The following EYS variants were observed in gnomAD, a reference collection of about 807,000 sequenced individuals.
EYS encodes the protein EGF-like photoreceptor maintenance factor, also known as protein eyes shut homolog.
EYS carries 250 observed loss-of-function variants against 282.1 expected under a neutral mutation model. The ratio of observed to expected loss-of-function variants is 0.89; its 90% CI spans 0.80 to 0.98. The LOEUF is 0.98. EYS is among the 50% of genes least tolerant of loss of function. The pLI, the probability that EYS is intolerant of heterozygous loss-of-function variation, is 0.00. For synonymous variants in EYS, 1,355 were observed against 1,282.9 expected, an observed-to-expected ratio of 1.06 and a Z score of -1.20; for missense variants, 4,016 against 3,709.0, an observed-to-expected ratio of 1.08 and a Z score of -2.15.
At chr6:65,055,673 TA>T (rs1561943070) in intron 13 of EYS, among the ~76,000 whole-genome samples, 1 of 152,110 alleles carries the variant, frequency 6.6e-6, no homozygotes, top group East Asian at 1.9e-4. Flanking sequence ...TGAGAAATTC[TA>T]GTCAAGTATT....
chr6:64,355,079 G>T (rs1457432856), intron 29 of EYS, among the ~76,000 whole-genome samples: 8 of 151,452 alleles, frequency 5.3e-5, no homozygotes, highest in Non-Finnish European at 1.0e-4. Context: ...CTTTCACTAA[G>T]TAAAAATACT....
chr6:65,017,770 T>C (rs1396633459), intron 13 of EYS, among the ~76,000 whole-genome samples: 1 of 152,218 alleles, frequency 6.6e-6, no homozygotes, highest in Non-Finnish European at 1.5e-5. Flanking sequence ...TCCTATCTCT[T>C]CTATAGTTCT....
At chr6:63,833,280 C>T (rs868310729) in intron 36 of EYS, among the ~76,000 whole-genome samples, 28 of 152,106 alleles carry the variant, frequency 1.8e-4, no homozygotes, top group African/African-American at 6.5e-4. Flanking sequence ...TAAAATTGTG[C>T]CTGTTTGCAG....
intron 33 of EYS, among the ~76,000 whole-genome samples, chr6:64,021,035 A>G (rs1339155251): frequency 6.6e-6 from 1 of 152,116 alleles, no homozygotes; most frequent in Non-Finnish European, 1.5e-5. Context: ...CCTTATCATT[A>G]TTACTATAGT....
chr6:64,756,159 T>C lies in EYS; in HGVS notation c.3443+57219A>G, dbSNP rs116150793. Among the ~76,000 whole-genome samples, 928 of 152,308 alleles carry C rather than the reference T, an allele frequency of 6.1e-3. 11 individuals are homozygous for C. Among genetic ancestry groups the C allele is most frequent in the Non-Finnish European group, 6.1e-3 (415 of 68,016 alleles). ...TTAGGTATTCAACATTCCATATTTG[T>C]TATTTTATATGAAAATTTTGTTTCA... On this transcript the variant is annotated intron_variant, in intron 22 of 42. Coordinates refer to ENST00000503581, the MANE Select transcript of EYS (RefSeq NM_001142800.2).
chr6:65,654,136 C>T lies in EYS; in HGVS notation c.-447-14244G>A, dbSNP rs185950174. 3.2e-3 allele frequency among the ~76,000 whole-genome samples: 490 copies of T among 151,998 alleles called. 3 individuals carry two copies. The highest frequency in any genetic ancestry group is 0.011 in the African/African-American group (476 of 41,522). On this transcript the variant is annotated intron_variant, in intron 1 of 42. Coordinates refer to ENST00000503581, the MANE Select transcript of EYS (RefSeq NM_001142800.2). ...GTCATAAATTGACAAGACAACCCCTCGGCTTTACTCATTTCATTATTTATT... is the reference window on the plus strand; with the variant it reads ...GTCATAAATTGACAAGACAACCCCTTGGCTTTACTCATTTCATTATTTATT...
intron 8 of EYS, among the ~76,000 whole-genome samples, chr6:65,362,480 T>C (rs1359192399): frequency 6.6e-6 from 1 of 151,944 alleles, no homozygotes; most frequent in Non-Finnish European, 1.5e-5. Context: ...CATGTGTATA[T>C]ATATGTGTGT....
chr6:65,684,083 G>T (rs2149839780), intron 1 of EYS, among the ~76,000 whole-genome samples: 1 of 152,102 alleles, frequency 6.6e-6, no homozygotes, highest in East Asian at 1.9e-4. Context: ...TTAAAGTCAT[G>T]ATACTTGCCA....
chr6:63,739,295 C>A (rs1365529033), intron 41 of EYS, among the ~76,000 whole-genome samples: 1 of 152,026 alleles, frequency 6.6e-6, no homozygotes, highest in Non-Finnish European at 1.5e-5. Context: ...TTGGAAGCAA[C>A]ATGTGTGAGG....
chr6:64,984,574 G>A (rs1475854328), intron 14 of EYS, among the ~76,000 whole-genome samples: 1 of 151,298 alleles, frequency 6.6e-6, no homozygotes, highest in East Asian at 1.9e-4. Context: ...CAATTTTCGT[G>A]TACAAGAAAA....
At chr6:63,993,802 G>A (rs555770481) in intron 34 of EYS, among the ~76,000 whole-genome samples, 5 of 151,898 alleles carry the variant, frequency 3.3e-5, no homozygotes, top group African/African-American at 1.2e-4. Context: ...AAACAATGCT[G>A]GAATTTATAT....
intron 28 of EYS, among the ~76,000 whole-genome samples, chr6:64,405,680 A>G (rs1038600177): frequency 6.6e-6 from 1 of 152,140 alleles, no homozygotes; most frequent in African/African-American, 2.4e-5. Flanking sequence ...CCTATACACC[A>G]ATAACAGACA....
chr6:65,625,042 G>T (rs1766647064), intron 2 of EYS, among the ~76,000 whole-genome samples: 1 of 152,108 alleles, frequency 6.6e-6, no homozygotes, highest in African/African-American at 2.4e-5. Flanking sequence ...AAGGGAGGGA[G>T]GGGAGAAATT....
intron 28 of EYS, among the ~76,000 whole-genome samples, chr6:64,430,387 A>C (rs1384280295): frequency 6.6e-6 from 1 of 152,198 alleles, no homozygotes; most frequent in African/African-American, 2.4e-5. Flanking sequence ...TGGAAAGTAG[A>C]AAGAAGCAAT....
intron 14 of EYS, among the ~76,000 whole-genome samples, chr6:64,976,715 G>C (rs1230692275): frequency 6.6e-6 from 1 of 151,910 alleles, no homozygotes; most frequent in Non-Finnish European, 1.5e-5. Context: ...TTTTTATCAA[G>C]TAGTGTTTAT....
rs1767167879 is a variant in EYS, at chr6:65,517,180, G to A, written c.-332-21187C>T. On this transcript the variant is annotated intron_variant, in intron 2 of 42. Coordinates refer to ENST00000503581, the MANE Select transcript of EYS (RefSeq NM_001142800.2). The stretch of plus-strand genomic sequence containing the variant: ...CAAAGGAACTACTGCGTGTGGAAGG[G>A]CTGTATATCTAAGGATATTATATTA... Among the ~76,000 whole-genome samples, 5 of 151,738 alleles carry A rather than the reference G, an allele frequency of 3.3e-5. No homozygotes were observed. In the South Asian group the frequency reaches 1.0e-3, roughly 31 times the overall value.
chr6:64,151,325 A>ATATATATATATATATT (rs1554212617), intron 31 of EYS, among the ~76,000 whole-genome samples: 68 of 78,608 alleles, frequency 8.7e-4, no homozygotes, highest in African/African-American at 4.7e-3. Flanking sequence ...ATTTATATAT[A>ATATATATATATATATT]TATATATATA....
chr6:64,190,490 T>C (rs1033729835), intron 31 of EYS, among the ~76,000 whole-genome samples: 2 of 152,184 alleles, frequency 1.3e-5, no homozygotes, highest in Admixed American at 6.5e-5. Flanking sequence ...GACATTTACA[T>C]TGGAAACATT....
intron 11 of EYS, among the ~76,000 whole-genome samples, chr6:65,300,452 G>T (rs1768788088): frequency 6.6e-6 from 1 of 151,830 alleles, no homozygotes; most frequent in African/African-American, 2.4e-5. Flanking sequence ...ATTACTTTGA[G>T]GGCAGTAGTC....
Sources: gnomAD v4.1 joint callset for allele counts (sites outside exome capture counted in the v4.1 genomes callset) on GRCh38, gnomAD v4.1.1 for gene constraint, MANE v1.5 for transcripts, NCBI Gene and HGNC (gene_info 2026-07-23, HGNC 2026-07-21) for gene names.